Variants in BEAN1 observed in about 807,000 individuals in gnomAD.
BEAN1 encodes brain expressed associated with NEDD4 1, also known as protein BEAN1.
A neutral mutation model predicts 17.7 loss-of-function variants in BEAN1; 17 were observed. That is an observed-to-expected ratio of 0.96 (90% CI 0.66 to 1.44). BEAN1 has a LOEUF of 1.44. Among genes scored for constraint, BEAN1 ranks in the 40% most tolerant of loss-of-function variants. The pLI, the probability that BEAN1 is intolerant of heterozygous loss-of-function variation, is 0.00. For missense variants in BEAN1, 359 were observed against 374.1 expected (o/e 0.96, Z 0.33); for synonymous variants, 142 against 151.8 (o/e 0.94, Z 0.47).
chr16:66,480,113 C>G (rs1420828920), intron 4 of BEAN1, among the ~76,000 whole-genome samples: 2 of 152,140 alleles, frequency 1.3e-5, no homozygotes, highest in South Asian at 4.1e-4. Flanking sequence ...GCTGCCAGTC[C>G]TTTCGGGGCA....
At position 66,437,682 on chromosome 16, in the gene BEAN1, C is replaced by T. The variant is rs540105900; in HGVS notation, c.6C>T (p.Ser2=). The T allele has an allele frequency of 2.0e-6, 3 of 1,536,042 alleles. No individual in the cohort carries two copies. The highest frequency in any genetic ancestry group is 4.9e-5 in the East Asian group (2 of 40,914). The change falls in exon 2 of 5, where the codon TCC becomes TCT. Residue 2 remains serine, a synonymous_variant. Transcript: ENST00000536005. ...TGTTCTGCTCCAAGGATTACATGTC[C>T]TTCAAACGTCCCTGCCCCTGTAAGT... is the stretch of plus-strand genomic sequence containing the variant. M[S]FKRPCPLARY...
chr16:66,483,297 G>A (rs1391279046), downstream of BEAN1: 4 of 161,914 alleles, frequency 2.5e-5, no homozygotes, highest in Non-Finnish European at 4.1e-5. Flanking sequence ...GTGCCTTACA[G>A]GAGTTGCTTT....
chr16:66,490,218 T>TAAAAAAA (rs774079713), intron 4 of BEAN1, among the ~76,000 whole-genome samples: 5 of 43,638 alleles, frequency 1.1e-4, no homozygotes, highest in African/African-American at 3.6e-4. Flanking sequence ...CCATCTCTAC[T>TAAAAAAA]AAAAAAAAAA....
At chr16:66,440,411 G>C (rs554079263) in intron 2 of BEAN1, among the ~76,000 whole-genome samples, 162 of 152,248 alleles carry the variant, frequency 1.1e-3, no homozygotes, top group Middle Eastern at 3.4e-3. Flanking sequence ...GATTACAGGC[G>C]TGAGCCACAG....
rs1372046030 is a variant in BEAN1, at chr16:66,445,119, A to G, written c.25+7418A>G. Among the ~76,000 whole-genome samples, 3 of 152,344 alleles carry G rather than the reference A, an allele frequency of 2.0e-5. No homozygotes were observed. The East Asian group carries it at 5.8e-4, about 29-fold the overall frequency. On this transcript the variant is annotated intron_variant, in intron 2 of 4. Transcript: ENST00000536005. ...GTGCCAACATAGCCAGAAGAGACAG[A>G]CACAAACAGACAAATGAATATCTAA...
intron 3 of BEAN1, among the ~76,000 whole-genome samples, chr16:66,470,927 C>T (rs1304209164): frequency 6.6e-6 from 1 of 152,188 alleles, no homozygotes; most frequent in Admixed American, 6.5e-5. Flanking sequence ...AAGGCCACCA[C>T]CAGATAGGGA....
chr16:66,488,956 G>A (rs1232672244), intron 4 of BEAN1, among the ~76,000 whole-genome samples: 1 of 151,880 alleles, frequency 6.6e-6, no homozygotes, highest in Non-Finnish European at 1.5e-5. Flanking sequence ...TGGATTGCCT[G>A]AGGTCAGGAG....
intron 4 of BEAN1, among the ~76,000 whole-genome samples, chr16:66,491,032 G>A (rs919398186): frequency 1.3e-5 from 2 of 152,112 alleles, no homozygotes; most frequent in Non-Finnish European, 2.9e-5. Context: ...CAGCCCCCCC[G>A]AAGCCACCAT....
chr16:66,477,481 C>G, intron 3 of BEAN1, 79 bp from the exon 4 acceptor site: 3 of 1,362,754 alleles, frequency 2.2e-6, no homozygotes, highest in Non-Finnish European at 2.9e-6. Context: ...CCTCCATGGC[C>G]CCAGGTAGAC....
intron 2 of BEAN1, among the ~76,000 whole-genome samples, chr16:66,441,881 A>G (rs1011063887): frequency 3.9e-5 from 6 of 152,054 alleles, no homozygotes; most frequent in Admixed American, 2.0e-4. Flanking sequence ...CTCACACCCC[A>G]ACTTCCCCAC....
At chr16:66,490,725 G>T (rs1964165568) in intron 4 of BEAN1, among the ~76,000 whole-genome samples, 1 of 152,152 alleles carries the variant, frequency 6.6e-6, no homozygotes, top group African/African-American at 2.4e-5. Flanking sequence ...TGGTAGTGTG[G>T]AAAGATGCAG....
chr16:66,441,769 T>G (rs1486834186), intron 2 of BEAN1, among the ~76,000 whole-genome samples: 2 of 152,124 alleles, frequency 1.3e-5, no homozygotes, highest in East Asian at 3.9e-4. Flanking sequence ...GTCTGCCAGC[T>G]TCCATGGCTG....
chr16:66,439,677 C>G (rs757913072), intron 2 of BEAN1, among the ~76,000 whole-genome samples: 1 of 152,172 alleles, frequency 6.6e-6, no homozygotes, highest in Non-Finnish European at 1.5e-5. Context: ...CCCCCTTCCC[C>G]AAAGACCCAA....
chr16:66,444,458 C>T (rs1962370120), intron 2 of BEAN1, among the ~76,000 whole-genome samples: 1 of 152,052 alleles, frequency 6.6e-6, no homozygotes, highest in African/African-American at 2.4e-5. Flanking sequence ...CCTCGGTGGT[C>T]CCTGCTGGTC....
At chr16:66,476,271 TAG>T (rs1195404283) in intron 3 of BEAN1, 1 of 152,100 alleles carries the variant, frequency 6.6e-6, no homozygotes, top group Non-Finnish European at 1.5e-5. Flanking sequence ...TACCTGCAGA[TAG>T]AGTTTCATAT....
downstream of BEAN1, chr16:66,486,065 G>A (rs138604550): frequency 6.6e-6 from 1 of 152,158 alleles, no homozygotes; most frequent in Non-Finnish European, 1.5e-5. Flanking sequence ...CAGAACAAAA[G>A]TATGGAAGCC....
chr16:66,455,861 A>AT (rs1962846843), intron 2 of BEAN1, among the ~76,000 whole-genome samples: 1 of 152,190 alleles, frequency 6.6e-6, no homozygotes, highest in East Asian at 1.9e-4. Flanking sequence ...TAATTTTGGT[A>AT]TTTTTTTAAG....
At chr16:66,446,773 C>G (rs1278550507) in intron 2 of BEAN1, among the ~76,000 whole-genome samples, 2 of 152,148 alleles carry the variant, frequency 1.3e-5, no homozygotes, top group Non-Finnish European at 2.9e-5. Context: ...ACCCCAAAGC[C>G]AGCCAAGTGC....
chr16:66,436,352 C>G (rs570269866), intron 1 of BEAN1, among the ~76,000 whole-genome samples: 7 of 147,072 alleles, frequency 4.8e-5, no homozygotes, highest in Non-Finnish European at 7.5e-5. Context: ...ACTGCAAGCT[C>G]CGCCTCCCAG....
Sources: allele counts gnomAD v4.1 joint callset (sites outside exome capture counted in the v4.1 genomes callset), GRCh38; gene constraint gnomAD v4.1.1; transcripts MANE v1.5; gene names NCBI Gene and HGNC (gene_info 2026-07-23, HGNC 2026-07-21).